Variants in STK3 observed in about 807,000 individuals in gnomAD.
STK3 encodes the protein serine/threonine kinase 3.
STK3 carries 41 observed loss-of-function variants against 58.0 expected under a neutral mutation model. That is an observed-to-expected ratio of 0.71 (90% CI 0.55 to 0.92). STK3 has a LOEUF of 0.92. Among genes scored for constraint, STK3 ranks in the 40% least tolerant of loss-of-function variants. The pLI is 0.00. For missense variants in STK3, 479 were observed against 602.7 expected (o/e 0.79, Z 2.15); for synonymous variants, 170 against 191.0 (o/e 0.89, Z 0.91).
At chr8:98,587,459 G>T (rs1230435244) in intron 7 of STK3, among the ~76,000 whole-genome samples, 1 of 152,128 alleles carries the variant, frequency 6.6e-6, no homozygotes, top group African/African-American at 2.4e-5. Flanking sequence ...TGTGGTCTGA[G>T]AGATAGTTTG....
intron 3 of STK3, among the ~76,000 whole-genome samples, chr8:98,410,478 T>C (rs1047321730): frequency 6.6e-6 from 1 of 152,152 alleles, no homozygotes; most frequent in Non-Finnish European, 1.5e-5. Flanking sequence ...GTTGAATAAA[T>C]GAAGGAAGGA....
At chr8:98,725,125 T>G (rs1475804001) in intron 4 of STK3, among the ~76,000 whole-genome samples, 1 of 152,142 alleles carries the variant, frequency 6.6e-6, no homozygotes, top group Non-Finnish European at 1.5e-5. Context: ...TCCAGGAGAC[T>G]GAAAAAAATA....
At chr8:98,504,578 A>G (rs1172871702) in intron 10 of STK3, among the ~76,000 whole-genome samples, 1 of 152,212 alleles carries the variant, frequency 6.6e-6, no homozygotes. Context: ...CTTGTAAGGC[A>G]GGCCTGGTGG....
rs1346749975 is a variant in STK3, at chr8:98,603,689, T to C, written c.685-7520A>G. 3.3e-5 allele frequency among the ~76,000 whole-genome samples: 5 copies of C among 152,112 alleles called. No individual in the cohort carries two copies. In the East Asian group the frequency reaches 9.6e-4, roughly 29 times the overall value. ...AAGGAACACCAATGGATACTTGAGT[T>C]TGGATATCTGTCCCCTCCAAATCTC... On this transcript the variant is annotated intron_variant, in intron 6 of 10. Transcript: ENST00000419617.
chr8:98,563,466 A>G (rs1253809723), intron 8 of STK3, among the ~76,000 whole-genome samples: 2 of 152,202 alleles, frequency 1.3e-5, no homozygotes, highest in Non-Finnish European at 2.9e-5. Flanking sequence ...TACATAGGCT[A>G]GTATACACAC....
chr8:98,379,441 T>C (rs1474357433), intron 1 of STK3, among the ~76,000 whole-genome samples: 1 of 152,218 alleles, frequency 6.6e-6, no homozygotes, highest in Non-Finnish European at 1.5e-5. Context: ...TTGTTCTTTA[T>C]TGTTACTTCA....
chr8:98,913,901 T>G (rs1053941203), intron 1 of STK3, among the ~76,000 whole-genome samples: 2 of 152,204 alleles, frequency 1.3e-5, no homozygotes, highest in South Asian at 2.1e-4. Context: ...CTCTATTTTC[T>G]CATCGCAAAA....
intron 3 of STK3, among the ~76,000 whole-genome samples, chr8:98,402,067 C>T (rs945685467): frequency 2.0e-5 from 3 of 152,292 alleles, no homozygotes; most frequent in Admixed American, 6.5e-5. Flanking sequence ...ATTATACTAT[C>T]CTTGCTGTTC....
intron 10 of STK3, among the ~76,000 whole-genome samples, chr8:98,489,521 T>A (rs1822530844): frequency 6.6e-6 from 1 of 152,176 alleles, no homozygotes; most frequent in African/African-American, 2.4e-5. Context: ...CCCTTACTAT[T>A]ATATAGTAAA....
intron 3 of STK3, among the ~76,000 whole-genome samples, chr8:98,422,202 T>A (rs1445535711): frequency 6.6e-6 from 1 of 152,194 alleles, no homozygotes; most frequent in Non-Finnish European, 1.5e-5. Flanking sequence ...GCAAAAGCCA[T>A]ATAAACATTT....
intron 6 of STK3, among the ~76,000 whole-genome samples, chr8:98,629,143 C>G (rs1818978629): frequency 6.6e-6 from 1 of 152,116 alleles, no homozygotes; most frequent in Non-Finnish European, 1.5e-5. Context: ...AGAAAAGACT[C>G]AAGTACTTCA....
chr8:98,483,717 A>T (rs1193539652), intron 10 of STK3, among the ~76,000 whole-genome samples: 1 of 152,148 alleles, frequency 6.6e-6, no homozygotes, highest in African/African-American at 2.4e-5. Flanking sequence ...TAGTAAGACA[A>T]TTTTCCTGGT....
intron 3 of STK3, among the ~76,000 whole-genome samples, chr8:98,870,542 G>A (rs1837333369): frequency 6.6e-6 from 1 of 152,140 alleles, no homozygotes; most frequent in Non-Finnish European, 1.5e-5. Flanking sequence ...ATTCTAACTG[G>A]TGTGAGATGG....
intron 4 of STK3, among the ~76,000 whole-genome samples, chr8:98,740,271 C>T (rs1274154684): frequency 1.3e-5 from 2 of 151,990 alleles, no homozygotes; most frequent in African/African-American, 4.8e-5. Flanking sequence ...TCGAGAAGAG[C>T]AACTCCAAGA....
intron 4 of STK3, among the ~76,000 whole-genome samples, chr8:98,739,988 G>T (rs1348007777): frequency 6.6e-6 from 1 of 151,950 alleles, no homozygotes. Flanking sequence ...TGGAAGAAAG[G>T]GTATCAGTGA....
intron 3 of STK3, among the ~76,000 whole-genome samples, chr8:98,425,036 G>A (rs778742013): frequency 3.4e-4 from 52 of 152,314 alleles, no homozygotes; most frequent in Admixed American, 7.8e-4. Context: ...CCCCGCCGAA[G>A]GTGTGGAAGG....
chr8:98,352,136 C>CAAA, the STK3 span, among the ~76,000 whole-genome samples: 76 of 110,196 alleles, frequency 6.9e-4, no homozygotes, highest in South Asian at 0.011. Flanking sequence ...GACTCTGTCT[C>CAAA]AAAAAAAAAA....
intron 3 of STK3, among the ~76,000 whole-genome samples, chr8:98,846,380 A>T (rs2922075): frequency 0.34 from 51,125 of 152,024 alleles, 8,927 homozygotes; most frequent in East Asian, 0.45. Flanking sequence ...TCAAACCATG[A>T]CACAGGCATT....
chr8:98,895,826 C>T (rs1838423321), intron 1 of STK3, among the ~76,000 whole-genome samples: 1 of 152,132 alleles, frequency 6.6e-6, no homozygotes, highest in East Asian at 1.9e-4. Context: ...AATTTGAGGT[C>T]AAGGCTTCTA....
Sources: gnomAD v4.1 joint callset for allele counts (sites outside exome capture counted in the v4.1 genomes callset) on GRCh38, gnomAD v4.1.1 for gene constraint, MANE v1.5 for transcripts, NCBI Gene and HGNC (gene_info 2026-07-23, HGNC 2026-07-21) for gene names.